CCDC73: variants seen among roughly 807,000 people sequenced by gnomAD.
CCDC73 encodes coiled-coil domain-containing protein 73.
Under a neutral mutation model 116.5 loss-of-function variants are expected in CCDC73, and 95 were observed. That is an observed-to-expected ratio of 0.82 (90% CI 0.69 to 0.97). The LOEUF is 0.97. Among genes scored for constraint, CCDC73 ranks in the 50% least tolerant of loss-of-function variants. The pLI, the probability that CCDC73 is intolerant of heterozygous loss-of-function variation, is 0.00. For synonymous variants in CCDC73, 398 were observed against 401.3 expected (o/e 0.99, Z 0.10); for missense variants, 1,066 against 1,206.8 (o/e 0.88, Z 1.73).
chr11:32,746,102 C>G (rs1410123982), intron 2 of CCDC73, among the ~76,000 whole-genome samples: 1 of 152,142 alleles, frequency 6.6e-6, no homozygotes, highest in African/African-American at 2.4e-5. Context: ...CCTTCAGGAG[C>G]TCTTGTAAGG....
chr11:32,800,148 T>C, the CCDC73 span, among the ~76,000 whole-genome samples: 3 of 152,228 alleles, frequency 2.0e-5, no homozygotes, highest in Non-Finnish European at 4.4e-5. Context: ...GTATATAATA[T>C]AGTAACATGT....
chr11:32,609,927 C>T (rs1210107342), intron 17 of CCDC73, among the ~76,000 whole-genome samples: 1 of 150,882 alleles, frequency 6.6e-6, no homozygotes, highest in Non-Finnish European at 1.5e-5. Flanking sequence ...CTACAGGTGC[C>T]TGTCACCAAG....
intron 1 of CCDC73, among the ~76,000 whole-genome samples, chr11:32,789,206 A>G (rs1850653028): frequency 6.6e-6 from 1 of 152,158 alleles, no homozygotes; most frequent in Non-Finnish European, 1.5e-5. Flanking sequence ...GGGGAAAAAA[A>G]GGGAATAATA....
chr11:32,830,346 C>G, the CCDC73 span, among the ~76,000 whole-genome samples: 31 of 152,346 alleles, frequency 2.0e-4, no homozygotes, highest in East Asian at 5.4e-3. Context: ...CTCTCAGGGG[C>G]TGCTTCCTGG....
the CCDC73 span, among the ~76,000 whole-genome samples, chr11:32,820,800 T>C: frequency 6.6e-6 from 1 of 152,202 alleles, no homozygotes; most frequent in Non-Finnish European, 1.5e-5. Context: ...AAAAAACTTA[T>C]TTAAATTTTT....
chr11:32,748,184 T>C (rs967908804), intron 2 of CCDC73, among the ~76,000 whole-genome samples: 1 of 152,192 alleles, frequency 6.6e-6, no homozygotes, highest in African/African-American at 2.4e-5. Flanking sequence ...ATTTTTTTTT[T>C]CTGGTTGTTT....
chr11:32,623,894 T>C (rs1266062649), intron 14 of CCDC73, among the ~76,000 whole-genome samples: 3 of 152,032 alleles, frequency 2.0e-5, no homozygotes, highest in Non-Finnish European at 4.4e-5. Context: ...CTGATAAACA[T>C]ATAAAATATG....
intron 7 of CCDC73, 58 bp from the exon 8 acceptor site, chr11:32,676,079 C>T: frequency 7.4e-7 from 1 of 1,360,532 alleles, no homozygotes; most frequent in Non-Finnish European, 9.8e-7. Context: ...TCGCCACACA[C>T]AACAAATATG....
intron 14 of CCDC73, among the ~76,000 whole-genome samples, chr11:32,630,263 T>C (rs1267469639): frequency 6.6e-6 from 1 of 152,218 alleles, no homozygotes; most frequent in Non-Finnish European, 1.5e-5. Context: ...AACTCTAGAA[T>C]AAGGATTGGC....
At chr11:32,666,860 T>C (rs1855987657) in intron 9 of CCDC73, among the ~76,000 whole-genome samples, 1 of 152,182 alleles carries the variant, frequency 6.6e-6, no homozygotes, top group Non-Finnish European at 1.5e-5. Flanking sequence ...TTTCTGTTTG[T>C]TAGTCTTCCT....
At chr11:32,753,048 T>C (rs1850300383) in intron 2 of CCDC73, among the ~76,000 whole-genome samples, 1 of 152,018 alleles carries the variant, frequency 6.6e-6, no homozygotes, top group African/African-American at 2.4e-5. Context: ...CCTCAAGTGA[T>C]TGATCCTCCC....
chr11:32,792,186 CA>C (rs1850682704), intron 1 of CCDC73, among the ~76,000 whole-genome samples: 1 of 152,034 alleles, frequency 6.6e-6, no homozygotes, highest in Non-Finnish European at 1.5e-5. Context: ...AATAGGACCC[CA>C]CGGTCTAGTG....
chr11:32,627,357 T>G (rs189791089), intron 14 of CCDC73, among the ~76,000 whole-genome samples: 32 of 152,260 alleles, frequency 2.1e-4, no homozygotes, highest in African/African-American at 7.7e-4. Flanking sequence ...TAGGAACACT[T>G]TTACGCTGTT....
the CCDC73 span, among the ~76,000 whole-genome samples, chr11:32,810,476 CAG>C: frequency 6.6e-6 from 1 of 152,164 alleles, no homozygotes; most frequent in Non-Finnish European, 1.5e-5. Context: ...TTAATTAAAA[CAG>C]AGCAAAACTA....
At chr11:32,719,286 A>G (rs1467643595) in intron 2 of CCDC73, among the ~76,000 whole-genome samples, 1 of 152,200 alleles carries the variant, frequency 6.6e-6, no homozygotes, top group Non-Finnish European at 1.5e-5. Context: ...TGGTTTAAGT[A>G]TTGAAGGTGT....
chr11:32,802,454 C>A, the CCDC73 span, among the ~76,000 whole-genome samples: 8 of 152,184 alleles, frequency 5.3e-5, no homozygotes, highest in Non-Finnish European at 8.8e-5. Flanking sequence ...TATGACATGA[C>A]ACCATTTTGC....
chr11:32,814,208 A>T, the CCDC73 span, among the ~76,000 whole-genome samples: 1 of 152,202 alleles, frequency 6.6e-6, no homozygotes, highest in African/African-American at 2.4e-5. Context: ...TCAGTTATCT[A>T]TGGAACCAGG....
chr11:32,625,378 T>C (rs1262658214), intron 14 of CCDC73, among the ~76,000 whole-genome samples: 1 of 152,212 alleles, frequency 6.6e-6, no homozygotes, highest in Non-Finnish European at 1.5e-5. Flanking sequence ...CTAGCCTCGA[T>C]GGTCTTTACA....
intron 1 of CCDC73, among the ~76,000 whole-genome samples, chr11:32,764,188 T>C (rs1850419419): frequency 6.6e-6 from 1 of 152,142 alleles, no homozygotes; most frequent in African/African-American, 2.4e-5. Context: ...GAAAACACAC[T>C]TCAGGATATT....
Sources: allele counts gnomAD v4.1 joint callset (sites outside exome capture counted in the v4.1 genomes callset), GRCh38; gene constraint gnomAD v4.1.1; transcripts MANE v1.5; gene names NCBI Gene and HGNC (gene_info 2026-07-23, HGNC 2026-07-21).